The following GSTO2 variants were observed in gnomAD, a reference collection of about 807,000 sequenced individuals.
GSTO2 encodes glutathione S-transferase omega-2.
GSTO2 carries 23 observed loss-of-function variants against 28.4 expected under a neutral mutation model. That is an observed-to-expected ratio of 0.81 (90% confidence interval 0.58 to 1.15). The LOEUF (loss-of-function observed/expected upper bound fraction) is 1.15. Ranked by LOEUF, GSTO2 falls within the 50% of genes most tolerant of loss-of-function variation. The pLI, the probability that GSTO2 is intolerant of heterozygous loss-of-function variation, is 0.00. For synonymous variants in GSTO2, 109 were observed against 111.0 expected (o/e 0.98, Z 0.11); for missense variants, 298 against 297.8 (o/e 1.00, Z 0.00).
chr10:104,287,117 A>G (rs755149198), intron 5 of GSTO2, among the ~76,000 whole-genome samples: 5 of 152,030 alleles, frequency 3.3e-5, no homozygotes, highest in Non-Finnish European at 7.4e-5. Flanking sequence ...GCAGGGTGCA[A>G]TCACGCCTCA....
At chr10:104,276,293 A>G (rs529942957) in intron 3 of GSTO2, among the ~76,000 whole-genome samples, 5 of 152,232 alleles carry the variant, frequency 3.3e-5, no homozygotes, top group Non-Finnish European at 7.3e-5. Flanking sequence ...AGCTGACCTT[A>G]AGGTTACCTG....
intron 1 of GSTO2, among the ~76,000 whole-genome samples, chr10:104,269,777 T>C (rs1479551015): frequency 6.6e-6 from 1 of 152,224 alleles, no homozygotes. Flanking sequence ...ATATTTCTCA[T>C]CCAGTTTCTG....
chr10:104,275,368 C>T (rs1164592673), intron 3 of GSTO2, 34 bp downstream of exon 3: 4 of 1,600,672 alleles, frequency 2.5e-6, no homozygotes, highest in East Asian at 2.2e-5. Flanking sequence ...CCCGAGCAAA[C>T]CCAGCGCCTC....
chr10:104,271,157 C>G (rs2135081067), intron 1 of GSTO2, among the ~76,000 whole-genome samples: 1 of 152,292 alleles, frequency 6.6e-6, no homozygotes, highest in South Asian at 2.1e-4. Flanking sequence ...AGGTTAAAAT[C>G]TTTCTAGGGA....
intron 4 of GSTO2, among the ~76,000 whole-genome samples, chr10:104,278,632 C>A (rs2011798967): frequency 3.9e-5 from 6 of 152,178 alleles, no homozygotes; most frequent in Admixed American, 3.9e-4. Context: ...CAGGCGCATG[C>A]CACCACACCC....
At chr10:104,290,212 A>G (rs1183867050) in intron 5 of GSTO2, among the ~76,000 whole-genome samples, 2 of 152,204 alleles carry the variant, frequency 1.3e-5, no homozygotes, top group Non-Finnish European at 2.9e-5. Context: ...TGGATAAAGA[A>G]AATGTGATAC....
intron 5 of GSTO2, among the ~76,000 whole-genome samples, chr10:104,286,623 A>G (rs1293607333): frequency 6.6e-6 from 1 of 152,150 alleles, no homozygotes; most frequent in Non-Finnish European, 1.5e-5. Context: ...TGTAACCACC[A>G]TTCTTTCACA....
At chr10:104,278,642 C>T (rs995295945) in intron 4 of GSTO2, among the ~76,000 whole-genome samples, 3 of 152,116 alleles carry the variant, frequency 2.0e-5, no homozygotes, top group African/African-American at 7.2e-5. Context: ...CCACCACACC[C>T]CCTAATTGTT....
chr10:104,279,295 G>A (rs747633082), intron 4 of GSTO2, 75 bp from the exon 5 acceptor site: 7 of 1,248,660 alleles, frequency 5.6e-6, no homozygotes, highest in East Asian at 2.3e-5. Context: ...ATAAAGCTTC[G>A]CTGCCTTTTC....
In GSTO2 at chr10:104,272,587, C is replaced by CTTTTTTTTTTTT. The variant is rs768279768; in HGVS notation, c.-231-2065_-231-2054dup. Among the ~76,000 whole-genome samples, 123 of 49,300 alleles carry CTTTTTTTTTTTT rather than the reference C, an allele frequency of 2.5e-3. 35 individuals carry two copies. Among genetic ancestry groups the CTTTTTTTTTTTT allele is most frequent in the Non-Finnish European group, 3.6e-3 (96 of 26,478 alleles). 32.3% of individuals were successfully genotyped at this position (49,300 alleles called of 152,430 possible). ...GAATCAAAATAGAACAGTTATGGGA[C>CTTTTTTTTTTTT]TTTTTTTTTTTTTTTTTTTTTTTTT... is the stretch of plus-strand genomic sequence containing the variant. On this transcript the variant is annotated intron_variant, in intron 1 of 6. Transcript: ENST00000338595.
At chr10:104,286,756 A>T (rs1390624274) in intron 5 of GSTO2, among the ~76,000 whole-genome samples, 2 of 152,142 alleles carry the variant, frequency 1.3e-5, no homozygotes, top group East Asian at 3.8e-4. Flanking sequence ...ACTTCTTTCA[A>T]TAGCTTTCTG....
At chr10:104,295,098 T>C (rs1265881151) in intron 5 of GSTO2, 1 of 152,178 alleles carries the variant, frequency 6.6e-6, no homozygotes, top group East Asian at 1.9e-4. Context: ...GGCACACATT[T>C]CAAAGCCAGT....
intron 1 of GSTO2, among the ~76,000 whole-genome samples, chr10:104,269,518 T>C (rs1480984913): frequency 6.6e-6 from 1 of 152,196 alleles, no homozygotes; most frequent in Non-Finnish European, 1.5e-5. Flanking sequence ...GGTGTTCTTA[T>C]TTTTTCTGAT....
intron 5 of GSTO2, among the ~76,000 whole-genome samples, chr10:104,280,147 C>T (rs1396671156): frequency 1.8e-5 from 2 of 109,884 alleles, no homozygotes; most frequent in African/African-American, 7.4e-5. Flanking sequence ...GCCTGGGTGA[C>T]AGAGTAAGTA....
At chr10:104,285,724 T>C (rs2012384498) in intron 5 of GSTO2, among the ~76,000 whole-genome samples, 1 of 152,180 alleles carries the variant, frequency 6.6e-6, no homozygotes. Context: ...CACTTCAGCC[T>C]CCCAAAGTGC....
chr10:104,280,165 C>CAA (rs56803318), intron 5 of GSTO2, among the ~76,000 whole-genome samples: 30 of 57,074 alleles, frequency 5.3e-4, no homozygotes, highest in Admixed American at 6.4e-4. Context: ...GTAGGACTGA[C>CAA]AAAAAAAAAA....
chr10:104,304,456 A>G lies in GSTO2; in HGVS notation c.*5172A>G, dbSNP rs527908058. 2.6e-5 allele frequency: 4 copies of G among 152,336 alleles called. No homozygotes were observed. The highest frequency in any genetic ancestry group is 9.6e-5 in the African/African-American group (4 of 41,570). The allele number at this position is 152,336 out of a possible 1,614,324, so 9.4% of individuals were successfully genotyped here. A position where few individuals can be genotyped will look rare whatever the true frequency, so the allele number is the denominator to read the frequency against. ...CATAGGGGTTACAAACAGGGCTTCA[A>G]GGTTAGCACTGGGATCAAATTCCGA... On this transcript the variant is annotated 3_prime_UTR_variant, in exon 7 of 7. Transcript: ENST00000338595.
chr10:104,270,822 C>G (rs184564869), intron 1 of GSTO2, among the ~76,000 whole-genome samples: 1 of 152,324 alleles, frequency 6.6e-6, no homozygotes, highest in African/African-American at 2.4e-5. Flanking sequence ...TTGCCGAATG[C>G]AAACCACAGT....
chr10:104,287,565 A>G (rs1223954958), intron 5 of GSTO2, among the ~76,000 whole-genome samples: 1 of 152,228 alleles, frequency 6.6e-6, no homozygotes, highest in African/African-American at 2.4e-5. Flanking sequence ...ATTGCCTAGA[A>G]ATATTAAATG....
Sources: gnomAD v4.1 joint callset for allele counts (sites outside exome capture counted in the v4.1 genomes callset) on GRCh38, gnomAD v4.1.1 for gene constraint, MANE v1.5 for transcripts, NCBI Gene and HGNC (gene_info 2026-07-23, HGNC 2026-07-21) for gene names.